Variants in KCNQ3 observed in about 807,000 individuals in gnomAD.
The protein encoded by KCNQ3 is potassium voltage-gated channel subfamily Q member 3.
KCNQ3 carries 30 observed loss-of-function variants against 92.5 expected under a neutral mutation model. The ratio of observed to expected loss-of-function variants is 0.32; its 90% CI spans 0.24 to 0.44. The LOEUF (loss-of-function observed/expected upper bound fraction) is 0.44, where lower values mean the gene tolerates loss of function less well. KCNQ3 is among the 20% of genes least tolerant of loss of function. The probability of loss-of-function intolerance (pLI) is 1.00; values close to 1 mark genes in which losing one functional copy is unlikely to be tolerated. For missense variants in KCNQ3, 913 were observed against 1,140.3 expected (o/e 0.80, Z 2.87); for synonymous variants, 450 against 468.8 (o/e 0.96, Z 0.52).
At chr8:132,403,681 A>T (rs202068262) in intron 1 of KCNQ3, among the ~76,000 whole-genome samples, 1 of 152,162 alleles carries the variant, frequency 6.6e-6, no homozygotes, top group Non-Finnish European at 1.5e-5. Flanking sequence ...GAATCCTTCA[A>T]ATCTCGGTTC....
chr8:132,421,331 A>C (rs1246032774), intron 1 of KCNQ3, among the ~76,000 whole-genome samples: 1 of 152,272 alleles, frequency 6.6e-6, no homozygotes, highest in African/African-American at 2.4e-5. Flanking sequence ...CCAACAGTTC[A>C]TCACAAATTG....
chr8:132,247,713 G>C (rs981842140), intron 1 of KCNQ3, among the ~76,000 whole-genome samples: 1 of 151,540 alleles, frequency 6.6e-6, no homozygotes, highest in East Asian at 1.9e-4. Flanking sequence ...CAGGAGAATC[G>C]CTTGAACCCA....
chr8:132,136,068 G>A (rs1457992027), intron 12 of KCNQ3, among the ~76,000 whole-genome samples: 4 of 131,054 alleles, frequency 3.1e-5, no homozygotes, highest in South Asian at 5.1e-4. Flanking sequence ...GCAGTGAGCC[G>A]AGATCGCGCC....
chr8:132,348,056 G>C (rs1409059963), intron 1 of KCNQ3, among the ~76,000 whole-genome samples: 1 of 151,694 alleles, frequency 6.6e-6, no homozygotes, highest in Non-Finnish European at 1.5e-5. Flanking sequence ...CTCCAAGGCA[G>C]GGAAGAGTTG....
intron 1 of KCNQ3, among the ~76,000 whole-genome samples, chr8:132,275,386 G>T (rs1312289208): frequency 6.6e-6 from 1 of 152,120 alleles, no homozygotes; most frequent in African/African-American, 2.4e-5. Context: ...TGAATTTATT[G>T]CATGATCCCT....
intron 1 of KCNQ3, among the ~76,000 whole-genome samples, chr8:132,409,007 A>G (rs1175477563): frequency 1.3e-5 from 2 of 152,214 alleles, no homozygotes; most frequent in African/African-American, 4.8e-5. Context: ...TGACCTACAG[A>G]ACTTGTAAGA....
At chr8:132,249,305 T>C (rs868458915) in intron 1 of KCNQ3, among the ~76,000 whole-genome samples, 4 of 152,160 alleles carry the variant, frequency 2.6e-5, no homozygotes, top group Non-Finnish European at 5.9e-5. Context: ...TACAGAGAGC[T>C]GATTGGTCTG....
chr8:132,450,800 CTCA>C (rs1821802657), intron 1 of KCNQ3, among the ~76,000 whole-genome samples: 1 of 152,164 alleles, frequency 6.6e-6, no homozygotes, highest in South Asian at 2.1e-4. Context: ...CCCTCCTTTC[CTCA>C]TCATCACCGT....
chr8:132,457,953 C>T (rs1346011812), intron 1 of KCNQ3, among the ~76,000 whole-genome samples: 1 of 152,190 alleles, frequency 6.6e-6, no homozygotes, highest in Admixed American at 6.5e-5. Context: ...GAGAGGGCCA[C>T]CCTGCCTCCC....
chr8:132,342,320 T>C (rs546603239), intron 1 of KCNQ3, among the ~76,000 whole-genome samples: 6 of 145,048 alleles, frequency 4.1e-5, no homozygotes, highest in Non-Finnish European at 9.0e-5. Context: ...TTTTTTCTTT[T>C]TTCTTTTTTT....
intron 1 of KCNQ3, among the ~76,000 whole-genome samples, chr8:132,295,965 C>A (rs1461797653): frequency 6.6e-6 from 1 of 152,140 alleles, no homozygotes; most frequent in Non-Finnish European, 1.5e-5. Context: ...GTAGGTGCAG[C>A]AAACCACCAT....
chr8:132,468,978 G>A (rs4736586), intron 1 of KCNQ3, among the ~76,000 whole-genome samples: 27,150 of 152,172 alleles, frequency 0.18, 2,898 homozygotes, highest in East Asian at 0.38. Flanking sequence ...TCACTTCTGT[G>A]GCAGAATGAA....
At chr8:132,355,799 C>T (rs1035714752) in intron 1 of KCNQ3, among the ~76,000 whole-genome samples, 9 of 152,156 alleles carry the variant, frequency 5.9e-5, no homozygotes, top group Non-Finnish European at 8.8e-5. Context: ...TTAACAACCA[C>T]GGAGTCTAGG....
chr8:132,267,738 T>C (rs1020912806), intron 1 of KCNQ3, among the ~76,000 whole-genome samples: 3 of 152,230 alleles, frequency 2.0e-5, no homozygotes, highest in African/African-American at 7.2e-5. Context: ...TGAAAATATT[T>C]GGTGATAGCC....
At chr8:132,263,737 G>A (rs1162221796) in intron 1 of KCNQ3, among the ~76,000 whole-genome samples, 1 of 152,194 alleles carries the variant, frequency 6.6e-6, no homozygotes, top group Non-Finnish European at 1.5e-5. Flanking sequence ...CTTCATGAGT[G>A]GCTCAGGTTA....
intron 1 of KCNQ3, among the ~76,000 whole-genome samples, chr8:132,280,781 C>T: frequency 6.6e-6 from 1 of 152,120 alleles, no homozygotes; most frequent in East Asian, 1.9e-4. Context: ...ATGAGTTAAT[C>T]ATGTTCAAGG....
chr8:132,338,649 T>G (rs896753746), intron 1 of KCNQ3, among the ~76,000 whole-genome samples: 1 of 152,110 alleles, frequency 6.6e-6, no homozygotes, highest in African/African-American at 2.4e-5. Context: ...CACCCTCAAA[T>G]GGCGCCCGCC....
intron 1 of KCNQ3, among the ~76,000 whole-genome samples, chr8:132,231,496 A>G (rs1814647272): frequency 6.6e-6 from 1 of 152,246 alleles, no homozygotes; most frequent in East Asian, 1.9e-4. Flanking sequence ...ATAAAGACAC[A>G]AAGGTGATCC....
At chr8:132,138,046 T>C in intron 11 of KCNQ3, 30 bp from the exon 12 acceptor site, 6 of 1,602,506 alleles carry the variant, frequency 3.7e-6, no homozygotes, top group Non-Finnish European at 5.1e-6. Flanking sequence ...CATTTGTGCA[T>C]CCCATGTGGA....
Sources: allele counts gnomAD v4.1 joint callset (sites outside exome capture counted in the v4.1 genomes callset), GRCh38; gene constraint gnomAD v4.1.1; transcripts MANE v1.5; gene names NCBI Gene and HGNC (gene_info 2026-07-23, HGNC 2026-07-21).